Variants in ADAMTS16 observed in about 807,000 individuals in gnomAD.
The protein encoded by ADAMTS16 is ADAM metallopeptidase with thrombospondin type 1 motif 16.
Under a neutral mutation model 145.8 loss-of-function variants are expected in ADAMTS16, and 94 were observed. The ratio of observed to expected loss-of-function variants is 0.64; its 90% CI spans 0.55 to 0.77. ADAMTS16 has a LOEUF of 0.77. Ranked by LOEUF, ADAMTS16 falls within the 30% of genes least tolerant of loss-of-function variation. ADAMTS16 has a pLI of 0.00. For missense variants in ADAMTS16, 1,585 were observed against 1,591.5 expected, an observed-to-expected ratio of 1.00 and a Z score of 0.07; for synonymous variants, 659 against 604.3, an observed-to-expected ratio of 1.09 and a Z score of -1.33.
intron 17 of ADAMTS16, among the ~76,000 whole-genome samples, chr5:5,251,852 G>A (rs1024074470): frequency 2.0e-5 from 3 of 152,090 alleles, no homozygotes; most frequent in African/African-American, 7.2e-5. Flanking sequence ...CCAAGTACTC[G>A]GTGCTTTTTT....
intron 12 of ADAMTS16, among the ~76,000 whole-genome samples, chr5:5,233,746 T>G (rs1737009359): frequency 6.6e-6 from 1 of 152,232 alleles, no homozygotes; most frequent in African/African-American, 2.4e-5. Context: ...CTAACATTGA[T>G]GGGCGTTTAG....
Position 5,318,282 on chromosome 5 carries a change from G to C in ADAMTS16, c.3559+1G>C. ...TTCTGCCCCATTGCAGAGAAGAAAG[G>C]TGAGTACATGGGGCCCCTCAGCATG... On this transcript the variant is annotated splice_donor_variant, in intron 22 of 22. Transcript: ENST00000274181. LOFTEE classifies it high-confidence loss of function. The C allele has an allele frequency of 6.9e-7, 1 of 1,457,962 alleles. No individual in the cohort carries two copies. 90.3% of individuals were successfully genotyped at this position (1,457,962 alleles called of 1,614,324 possible). A position where few individuals can be genotyped will look rare whatever the true frequency, so the allele number is the denominator to read the frequency against.
chr5:5,153,137 C>A (rs1363772521), intron 3 of ADAMTS16, among the ~76,000 whole-genome samples: 1 of 152,234 alleles, frequency 6.6e-6, no homozygotes, highest in Admixed American at 6.5e-5. Context: ...GTCACCTGAA[C>A]TTTCTCTAAG....
At chr5:5,146,919 T>C (rs1816235) in intron 3 of ADAMTS16, among the ~76,000 whole-genome samples, 56,382 of 152,126 alleles carry the variant, frequency 0.37, 11,585 homozygotes, top group African/African-American at 0.52. Context: ...CTGATGATGA[T>C]AATCTGCTTA....
At chr5:5,260,486 G>T (rs1330563727) in intron 17 of ADAMTS16, among the ~76,000 whole-genome samples, 2 of 152,204 alleles carry the variant, frequency 1.3e-5, no homozygotes, top group East Asian at 3.9e-4. Context: ...AGCACCATGT[G>T]CAAACCACTT....
At chr5:5,194,318 G>A (rs4702236) in intron 8 of ADAMTS16, among the ~76,000 whole-genome samples, 102,059 of 152,060 alleles carry the variant, frequency 0.67, 34,758 homozygotes, top group South Asian at 0.79. Flanking sequence ...CAAAATGAGT[G>A]GCAATAATAG....
chr5:5,265,161 C>T (rs575880091), intron 18 of ADAMTS16, among the ~76,000 whole-genome samples: 2 of 152,300 alleles, frequency 1.3e-5, no homozygotes, highest in South Asian at 4.1e-4. Context: ...ATCTTCCTGT[C>T]CGAAGGAAAT....
At chr5:5,225,458 C>T (rs1001103115) in intron 11 of ADAMTS16, among the ~76,000 whole-genome samples, 3 of 152,142 alleles carry the variant, frequency 2.0e-5, no homozygotes, top group African/African-American at 7.2e-5. Context: ...CAAAACTTAG[C>T]TGGGCGTTGT....
chr5:5,219,295 G>A (rs544558371), intron 10 of ADAMTS16, among the ~76,000 whole-genome samples: 9 of 152,038 alleles, frequency 5.9e-5, no homozygotes, highest in Admixed American at 1.3e-4. Flanking sequence ...GTTAACTATC[G>A]TCACCCTATG....
Position 5,200,120 on chromosome 5 carries a change from T to TCC in ADAMTS16, c.1314-11_1314-10insCC. The TCC allele has an allele frequency of 1.3e-6, 2 of 1,595,766 alleles. No homozygotes were observed. Among genetic ancestry groups the TCC allele is most frequent in the Non-Finnish European group, 1.7e-6 (2 of 1,170,202 alleles). On this transcript the variant is annotated splice_polypyrimidine_tract_variant and intron_variant, in intron 8 of 22. Coordinates refer to ENST00000274181, the MANE Select transcript of ADAMTS16 (RefSeq NM_139056.4). ...TCTGAAAGAACCATCTCTCTCTCTC[T>TCC]CTCTCTCATAGCTTTGGCATGATTC...
chr5:5,151,466 C>T (rs1025058626), intron 3 of ADAMTS16, among the ~76,000 whole-genome samples: 11 of 152,028 alleles, frequency 7.2e-5, no homozygotes, highest in African/African-American at 2.7e-4. Context: ...TCTTGAACTC[C>T]TGACCTTGTG....
In ADAMTS16 at chr5:5,241,171, T is replaced by C. The variant is rs73735762; in HGVS notation, c.2524-882T>C. ...ACTCAGGGGAGGGTGAGGATCTTTTTCTACATGGGCATCATATCAGCATGC... is the reference window on the plus strand; with the variant it reads ...ACTCAGGGGAGGGTGAGGATCTTTTCCTACATGGGCATCATATCAGCATGC... On this transcript the variant is annotated intron_variant, in intron 16 of 22. Coordinates refer to ENST00000274181, the MANE Select transcript of ADAMTS16 (RefSeq NM_139056.4). Among the ~76,000 whole-genome samples the C allele has an allele frequency of 9.0e-3, 1,367 of 152,224 alleles. 25 individuals carry two copies. Among genetic ancestry groups the C allele is most frequent in the African/African-American group, 0.03 (1,243 of 41,514 alleles).
intron 21 of ADAMTS16, among the ~76,000 whole-genome samples, chr5:5,307,898 C>G (rs1459283535): frequency 6.6e-6 from 1 of 152,160 alleles, no homozygotes; most frequent in Non-Finnish European, 1.5e-5. Flanking sequence ...GCTCTATATC[C>G]CCACTTCTAG....
chr5:5,172,371 T>C (rs1410271978), intron 3 of ADAMTS16, among the ~76,000 whole-genome samples: 1 of 152,076 alleles, frequency 6.6e-6, no homozygotes. Context: ...TTTATTGATG[T>C]AGGCAGTTAT....
chr5:5,280,575 C>G (rs560493195), intron 18 of ADAMTS16, among the ~76,000 whole-genome samples: 1 of 152,218 alleles, frequency 6.6e-6, no homozygotes, highest in South Asian at 2.1e-4. Context: ...GTTGGTATCC[C>G]CAAGTCAGTC....
chr5:5,219,008 G>A (rs10475290), intron 10 of ADAMTS16, among the ~76,000 whole-genome samples: 2,440 of 152,196 alleles, frequency 0.016, 69 homozygotes, highest in African/African-American at 0.056. Context: ...GGCGTGGCAG[G>A]CCAGAGTAGT....
At chr5:5,195,686 G>A (rs961457092) in intron 8 of ADAMTS16, among the ~76,000 whole-genome samples, 17 of 152,190 alleles carry the variant, frequency 1.1e-4, no homozygotes, top group Admixed American at 1.1e-3. Flanking sequence ...TATTAACTGT[G>A]TGCAGAAGTA....
chr5:5,166,635 G>A lies in ADAMTS16; in HGVS notation c.502-15409G>A, dbSNP rs550085444. On this transcript the variant is annotated intron_variant, in intron 3 of 22. Coordinates refer to ENST00000274181, the MANE Select transcript of ADAMTS16 (RefSeq NM_139056.4). Reference sequence around the variant, plus strand: ...AAAAAATTATAAGGGATTCCAGAGTGATAGTAGCCAGATGACAAGTGTAGC... The same window carrying A: ...AAAAAATTATAAGGGATTCCAGAGTAATAGTAGCCAGATGACAAGTGTAGC... Among the ~76,000 whole-genome samples the A allele has an allele frequency of 8.8e-4, 134 of 152,294 alleles. 3 individuals carry two copies. The South Asian group carries it at 0.026, about 29-fold the overall frequency.
intron 18 of ADAMTS16, among the ~76,000 whole-genome samples, chr5:5,275,741 A>AT (rs1238121421): frequency 3.3e-5 from 5 of 151,972 alleles, no homozygotes; most frequent in East Asian, 1.9e-4. Flanking sequence ...ATTTATTATT[A>AT]TTTTTTGACT....
Sources: allele counts gnomAD v4.1 joint callset (sites outside exome capture counted in the v4.1 genomes callset), GRCh38; gene constraint gnomAD v4.1.1; transcripts MANE v1.5; gene names NCBI Gene and HGNC (gene_info 2026-07-23, HGNC 2026-07-21).